KLHDC10: variants seen among roughly 807,000 people sequenced by gnomAD.
KLHDC10 encodes kelch domain containing 10, also known as kelch domain-containing protein 10.
A neutral mutation model predicts 56.1 loss-of-function variants in KLHDC10; 24 were observed. The ratio of observed to expected loss-of-function variants is 0.43; its 90% CI spans 0.31 to 0.60. The LOEUF is 0.60. KLHDC10 is among the 20% of genes least tolerant of loss of function. The pLI is 0.11. For missense variants in KLHDC10, 349 were observed against 567.0 expected (o/e 0.62, Z 3.91); for synonymous variants, 188 against 207.1 (o/e 0.91, Z 0.79).
chr7:130,084,305 A>G (rs147149086), intron 1 of KLHDC10, among the ~76,000 whole-genome samples: 6 of 152,326 alleles, frequency 3.9e-5, no homozygotes, highest in Non-Finnish European at 8.8e-5. Context: ...GGACACGGTA[A>G]CACAGATGCA....
chr7:130,111,056 C>T (rs889280621), intron 2 of KLHDC10, among the ~76,000 whole-genome samples: 1 of 151,952 alleles, frequency 6.6e-6, no homozygotes, highest in African/African-American at 2.4e-5. Context: ...TAGAACATGT[C>T]GATTTAGTAT....
rs1796420617 is a variant in KLHDC10, at chr7:130,132,972, C to G, written c.*2226C>G. 6.6e-6 allele frequency: 1 copy of G among 152,260 alleles called. No homozygotes were observed. Among genetic ancestry groups the G allele is most frequent in the South Asian group, 2.1e-4 (1 of 4,836 alleles). 9.4% of individuals were successfully genotyped at this position (152,260 alleles called of 1,614,324 possible). ...GAGATGTGGTCTGGTTCCATCCATA[C>G]TTGCTGGCATCCTTTGTTAAGCCTT... On this transcript the variant is annotated 3_prime_UTR_variant, in exon 10 of 10. Transcript: ENST00000335420.
chr7:130,128,580 T>C lies in KLHDC10; in HGVS notation c.980-857T>C, dbSNP rs1433575973. 5.3e-5 allele frequency among the ~76,000 whole-genome samples: 8 copies of C among 152,134 alleles called. No individual in the cohort carries two copies. The East Asian group carries it at 1.5e-3, about 29-fold the overall frequency. On this transcript the variant is annotated intron_variant, in intron 8 of 9. Transcript: ENST00000335420. The stretch of plus-strand genomic sequence containing the variant: ...AAGAGCCTCTTTTGTGTTCCTAAAC[T>C]GAACATTGCAGTGAAGTGAACGTTC...
chr7:130,125,573 G>A (rs6961242), intron 6 of KLHDC10, among the ~76,000 whole-genome samples: 126,388 of 152,144 alleles, frequency 0.83, 52,711 homozygotes, highest in Non-Finnish European at 0.87. Context: ...TTGAAATCAT[G>A]TATGTGTTTA....
intron 4 of KLHDC10, 112 bp downstream of exon 4, chr7:130,121,015 GT>G: frequency 9.2e-7 from 1 of 1,089,020 alleles, no homozygotes; most frequent in Middle Eastern, 2.3e-4. Context: ...AGAGTTCTTT[GT>G]GGTTAGTACT....
intron 1 of KLHDC10, among the ~76,000 whole-genome samples, chr7:130,091,186 C>G (rs1329548161): frequency 2.6e-5 from 4 of 152,110 alleles, no homozygotes; most frequent in African/African-American, 9.7e-5. Flanking sequence ...TTTCATTTCT[C>G]TGGGGTAAAT....
At chr7:130,117,150 C>G (rs72607768) in intron 3 of KLHDC10, among the ~76,000 whole-genome samples, 26,606 of 152,116 alleles carry the variant, frequency 0.17, 2,956 homozygotes, top group East Asian at 0.31. Context: ...CTCTAAAAAA[C>G]TACATACCTT....
intron 1 of KLHDC10, among the ~76,000 whole-genome samples, chr7:130,071,575 T>C (rs557391917): frequency 2.0e-5 from 3 of 152,232 alleles, no homozygotes; most frequent in African/African-American, 7.2e-5. Context: ...TAAAATCAAG[T>C]GGATATGTAT....
chr7:130,082,257 G>T (rs1795619040), intron 1 of KLHDC10, among the ~76,000 whole-genome samples: 1 of 152,156 alleles, frequency 6.6e-6, no homozygotes, highest in Admixed American at 6.5e-5. Context: ...CCAAAAGGTT[G>T]GGGCTGTAGT....
intron 1 of KLHDC10, among the ~76,000 whole-genome samples, chr7:130,093,613 T>G (rs1255969876): frequency 6.6e-6 from 1 of 152,184 alleles, no homozygotes; most frequent in Non-Finnish European, 1.5e-5. Context: ...GAATAAAAGT[T>G]CAGACCAGTA....
intron 1 of KLHDC10, among the ~76,000 whole-genome samples, chr7:130,075,593 T>C (rs1584615681): frequency 6.6e-6 from 1 of 152,202 alleles, no homozygotes. Flanking sequence ...ATGTTTACAA[T>C]CTTGCTAATA....
At position 130,072,854 on chromosome 7, in the gene KLHDC10, C is replaced by T. The variant is rs974002351; in HGVS notation, c.166+2045C>T. On this transcript the variant is annotated intron_variant, in intron 1 of 9. Coordinates refer to ENST00000335420, the MANE Select transcript of KLHDC10 (RefSeq NM_014997.4). ...TCACTGCAACTCCACTTCCTAGGCT[C>T]AAGCAATTCTCCTGCCTCAGCCTCC... Among the ~76,000 whole-genome samples, 3 of 151,924 alleles carry T rather than the reference C, an allele frequency of 2.0e-5. No individual in the cohort carries two copies. In the South Asian group the frequency reaches 6.2e-4, roughly 32 times the overall value.
rs950518423 is a variant in KLHDC10, at chr7:130,130,303, CAG to C, written c.1120-231_1120-230del. ...CGCCACTGCACTCCAGCCTGGGCGA[CAG>C]AGTGAGACTCTGTCTCAAAAAAAAA... On this transcript the variant is annotated intron_variant, in intron 9 of 9. Transcript: ENST00000335420. The surrounding 1 kb of genome is among the most constrained non-coding windows in gnomAD (Gnocchi z 4.2). Among the ~76,000 whole-genome samples the C allele has an allele frequency of 1.4e-5, 2 of 138,888 alleles. No homozygotes were observed. The highest frequency in any genetic ancestry group is 3.0e-5 in the Non-Finnish European group (2 of 66,018). The allele number at this position is 138,888 out of a possible 152,430, so 91.1% of individuals were successfully genotyped here.
At chr7:130,127,318 C>A in intron 7 of KLHDC10, 86 bp from the exon 8 acceptor site, 2 of 1,046,226 alleles carry the variant, frequency 1.9e-6, no homozygotes, top group South Asian at 1.3e-5. Flanking sequence ...TTGAGTTACA[C>A]GTAGTGTGTC....
chr7:130,082,094 C>CTTAA (rs1165886044), intron 1 of KLHDC10, among the ~76,000 whole-genome samples: 65 of 152,280 alleles, frequency 4.3e-4, no homozygotes, highest in African/African-American at 1.4e-3. Flanking sequence ...GGGCAAAAAG[C>CTTAA]TTAAGTCCAG....
chr7:130,087,200 T>G (rs1247313629), intron 1 of KLHDC10, among the ~76,000 whole-genome samples: 1 of 152,234 alleles, frequency 6.6e-6, no homozygotes, highest in Non-Finnish European at 1.5e-5. Context: ...TTACTAGTAC[T>G]GTAATTGAGG....
chr7:130,118,967 T>C (rs80149767), intron 3 of KLHDC10, among the ~76,000 whole-genome samples: 52 of 151,998 alleles, frequency 3.4e-4, no homozygotes, highest in Non-Finnish European at 4.4e-4. Context: ...ATCCCAGCAA[T>C]TTAGGAGGCC....
At chr7:130,106,657 A>G (rs72607764) in intron 2 of KLHDC10, among the ~76,000 whole-genome samples, 20,464 of 152,210 alleles carry the variant, frequency 0.13, 1,583 homozygotes, top group East Asian at 0.31. Context: ...TATGACATAT[A>G]TGCTTTTCTG....
intron 5 of KLHDC10, among the ~76,000 whole-genome samples, chr7:130,124,225 C>A (rs972825585): frequency 5.9e-5 from 9 of 152,078 alleles, no homozygotes; most frequent in African/African-American, 2.2e-4. Context: ...CAAAAAAGTT[C>A]TCAATACATT....
Sources: allele counts gnomAD v4.1 joint callset (sites outside exome capture counted in the v4.1 genomes callset), GRCh38; gene constraint gnomAD v4.1.1; non-coding constraint Gnocchi (gnomAD v3.1); transcripts MANE v1.5; gene names NCBI Gene and HGNC (gene_info 2026-07-23, HGNC 2026-07-21).